Variants in FDFT1 observed in about 807,000 individuals in gnomAD.
FDFT1 encodes the protein farnesyl-diphosphate farnesyltransferase 1, also known as squalene synthase.
In FDFT1, 68 loss-of-function variants were observed where a neutral mutation model predicts 46.8. That is an observed-to-expected ratio of 1.45 (90% CI 1.19 to 1.78). FDFT1 has a LOEUF of 1.78. Among genes scored for constraint, FDFT1 ranks in the 40% most tolerant of loss-of-function variants. The pLI, the probability that FDFT1 is intolerant of heterozygous loss-of-function variation, is 0.00. For synonymous variants in FDFT1, 351 were observed against 185.1 expected, an observed-to-expected ratio of 1.90 and a Z score of -7.28; for missense variants, 928 against 524.4, an observed-to-expected ratio of 1.77 and a Z score of -7.52.
rs139242873 is a variant in FDFT1 at position 11,832,576 on chromosome 8, A to AT, written c.1032+906_1032+907insT. 8.0e-3 allele frequency among the ~76,000 whole-genome samples: 1,082 copies of AT among 134,778 alleles called. 31 individuals carry two copies. The highest frequency in any genetic ancestry group is 0.016 in the African/African-American group (539 of 34,550). 88.4% of individuals were successfully genotyped at this position (134,778 alleles called of 152,430 possible). On this transcript the variant is annotated intron_variant, in intron 7 of 7. Coordinates refer to ENST00000220584, the MANE Select transcript of FDFT1 (RefSeq NM_004462.5). ...CAAAAAAAAAAAAAAAAAAAAAAAA[A>AT]GTCTTAGAGACCAGAAGTCTTTGTA...
At chr8:11,803,623 C>A in intron 1 of FDFT1, 3 of 523,002 alleles carry the variant, frequency 5.7e-6, no homozygotes, top group Non-Finnish European at 8.4e-6. Flanking sequence ...ATTATTCGTA[C>A]GCGATTATTG....
rs200967001 is a variant in FDFT1 at position 11,838,560 on chromosome 8, C to G, written c.1205C>G (p.Thr402Ser). The part of the protein sequence containing the change: ...LLAALSWQYL[T>S]TLSQVTEDYV... ...GCTGCCCTGAGCTGGCAGTACCTGA[C>G]CACTCTCTCCCAGGTAACAGAAGAC... is the stretch of plus-strand genomic sequence containing the variant. The change falls in exon 8 of 8, where the codon ACC becomes AGC. Residue 402 changes from threonine (T) to serine (S), a missense_variant. Thr to Ser is a moderately conservative substitution (Grantham distance 58). Transcript: ENST00000220584. 6.2e-7 allele frequency: 1 copy of G among 1,613,592 alleles called. No homozygotes were observed. The highest frequency in any genetic ancestry group is 8.5e-7 in the Non-Finnish European group (1 of 1,179,808).
chr8:11,808,738 ACTCCCACTCCTG>A (rs915703226), intron 1 of FDFT1, 44 bp from the exon 2 acceptor site: 11 of 1,553,074 alleles, frequency 7.1e-6, no homozygotes, highest in South Asian at 4.6e-5. Context: ...TCCCACTCCC[ACTCCCACTCCTG>A]CTCCTCGACG....
upstream of FDFT1, chr8:11,802,120 G>A (rs1428071048): frequency 8.8e-6 from 4 of 454,404 alleles, no homozygotes; most frequent in Admixed American, 4.7e-5. Context: ...ACTAGAGAGG[G>A]GGCAGCTGAA....
chr8:11,805,474 G>T (rs576663592), intron 1 of FDFT1, among the ~76,000 whole-genome samples: 4 of 152,308 alleles, frequency 2.6e-5, no homozygotes, highest in South Asian at 2.1e-4. Flanking sequence ...TCTAAATCCT[G>T]TTATTTAGAC....
At chr8:11,811,648 A>C (rs1807728811) in intron 3 of FDFT1, among the ~76,000 whole-genome samples, 1 of 152,242 alleles carries the variant, frequency 6.6e-6, no homozygotes, top group Admixed American at 6.5e-5. Context: ...AGATGTGAAC[A>C]CTGAACTCAT....
chr8:11,809,021 C>CCCGG (rs1807325054), intron 2 of FDFT1, 130 bp downstream of exon 2: 6 of 1,410,112 alleles, frequency 4.3e-6, no homozygotes, highest in Non-Finnish European at 5.7e-6. Flanking sequence ...CAGAACATAG[C>CCCGG]CCGGCCCTAC....
intron 1 of FDFT1, 90 bp from the exon 2 acceptor site, chr8:11,808,704 C>CCCCACTCCCACT: frequency 7.1e-7 from 1 of 1,406,184 alleles, no homozygotes; most frequent in Admixed American, 2.7e-5. Context: ...GAGCCGCCTG[C>CCCCACTCCCACT]CCCAGTCCCA....
chr8:11,835,157 C>T lies in FDFT1; in HGVS notation c.1033-3231C>T, dbSNP rs10099327. ...TCAAGTATTTGGCTTCAACTTTATG[C>T]CGGGCATGTAGATGAAAAGTCGGCT... On this transcript the variant is annotated intron_variant, in intron 7 of 7. Coordinates refer to ENST00000220584, the MANE Select transcript of FDFT1 (RefSeq NM_004462.5). Among the ~76,000 whole-genome samples the T allele has an allele frequency of 1.5e-3, 234 of 152,278 alleles. 1 individual carries two copies. Among genetic ancestry groups the T allele is most frequent in the African/African-American group, 5.5e-3 (228 of 41,552 alleles).
intron 7 of FDFT1, among the ~76,000 whole-genome samples, chr8:11,837,258 T>C (rs1336266274): frequency 6.6e-6 from 1 of 152,144 alleles, no homozygotes; most frequent in African/African-American, 2.4e-5. Flanking sequence ...TGAGACAGGG[T>C]CTTGTTCTGT....
intron 3 of FDFT1, among the ~76,000 whole-genome samples, chr8:11,813,134 G>T (rs1055652302): frequency 1.3e-5 from 2 of 152,108 alleles, no homozygotes; most frequent in African/African-American, 4.8e-5. Flanking sequence ...CATAGAAAAG[G>T]TATAGTAAAA....
At chr8:11,810,866 A>G (rs1807617244) in intron 3 of FDFT1, among the ~76,000 whole-genome samples, 1 of 150,304 alleles carries the variant, frequency 6.7e-6, no homozygotes, top group Non-Finnish European at 1.5e-5. Flanking sequence ...GAGGGAGCTA[A>G]GTGGACAGAG....
chr8:11,803,562 G>GAGGCAGA (rs1806421786), intron 1 of FDFT1: 2 of 1,011,134 alleles, frequency 2.0e-6, no homozygotes, highest in South Asian at 1.7e-5. Context: ...CCTCATGCCT[G>GAGGCAGA]TACTATTTGT....
At chr8:11,803,453 T>C in intron 1 of FDFT1, 2 of 1,279,760 alleles carry the variant, frequency 1.6e-6, no homozygotes, top group Non-Finnish European at 2.0e-6. Flanking sequence ...TAAAATCGCC[T>C]ATCTACGCTT....
Position 11,809,381 on chromosome 8 carries a change from C to T in FDFT1, c.198-286C>T, listed in dbSNP as rs1290629518. On this transcript the variant is annotated intron_variant, in intron 2 of 7. Transcript: ENST00000220584. ...TATTAGTTCGGTCTAAACGTTTGGT[C>T]TTCTGGTCTCCATAGTTCTACATTG... The T allele has an allele frequency of 3.5e-6, 4 of 1,158,356 alleles. No individual in the cohort carries two copies. In the South Asian group the frequency reaches 9.1e-5, roughly 26 times the overall value. The allele number at this position is 1,158,356 out of a possible 1,614,324, so 71.8% of individuals were successfully genotyped here.
At chr8:11,833,080 C>T (rs1811071478) in intron 7 of FDFT1, among the ~76,000 whole-genome samples, 1 of 152,164 alleles carries the variant, frequency 6.6e-6, no homozygotes, top group East Asian at 1.9e-4. Context: ...ATCAGAGGCA[C>T]CTATGGAAGT....
chr8:11,828,485 G>A (rs1810318921), intron 5 of FDFT1, among the ~76,000 whole-genome samples: 1 of 152,206 alleles, frequency 6.6e-6, no homozygotes, highest in Non-Finnish European at 1.5e-5. Flanking sequence ...TGGCTGCCTT[G>A]GAAGTGGAGT....
At chr8:11,799,469 C>T (rs1247397469), upstream of FDFT1, among the ~76,000 whole-genome samples, 1 of 152,210 alleles carries the variant, frequency 6.6e-6, no homozygotes, top group Non-Finnish European at 1.5e-5. Context: ...CCTGCATGGC[C>T]TTAGGTCCTG....
At chr8:11,813,692 C>T (rs1447276856) in intron 3 of FDFT1, among the ~76,000 whole-genome samples, 1 of 152,212 alleles carries the variant, frequency 6.6e-6, no homozygotes, top group African/African-American at 2.4e-5. Context: ...TGGCCTTTCT[C>T]CATTATCCCT....
Sources: allele counts gnomAD v4.1 joint callset (sites outside exome capture counted in the v4.1 genomes callset), GRCh38; gene constraint gnomAD v4.1.1; transcripts MANE v1.5; gene names NCBI Gene and HGNC (gene_info 2026-07-23, HGNC 2026-07-21).